SPAG17: variants seen among roughly 807,000 people sequenced by gnomAD.
The protein encoded by SPAG17 is sperm-associated antigen 17.
In SPAG17, 169 loss-of-function variants were observed where a neutral mutation model predicts 273.6. The ratio of observed to expected loss-of-function variants is 0.62; its 90% CI spans 0.55 to 0.70. The LOEUF (loss-of-function observed/expected upper bound fraction) is 0.70. SPAG17 is among the 30% of genes least tolerant of loss of function. SPAG17 has a pLI of 0.00. For missense variants in SPAG17, 2,557 were observed against 2,627.8 expected (o/e 0.97, Z 0.59); for synonymous variants, 825 against 873.2 (o/e 0.94, Z 0.97).
intron 40 of SPAG17, 54 bp from the exon 41 acceptor site, chr1:117,984,836 T>C: frequency 8.7e-7 from 1 of 1,151,136 alleles, no homozygotes; most frequent in East Asian, 2.4e-5. Context: ...TTTTAAAGTG[T>C]TGTTTGTTTG....
At chr1:118,087,186 T>C in intron 10 of SPAG17, 178 bp from the exon 11 acceptor site, 1 of 499,102 alleles carries the variant, frequency 2.0e-6, no homozygotes, top group Middle Eastern at 5.3e-4. Context: ...AGGAAAAGTG[T>C]TCGCAATCCA....
rs905104539 is a variant in SPAG17, at chr1:118,152,909, T to C, written c.88-1540A>G. Among the ~76,000 whole-genome samples the C allele has an allele frequency of 3.3e-5, 5 of 152,196 alleles. No homozygotes were observed. The East Asian group carries it at 7.7e-4, about 23-fold the overall frequency. On this transcript the variant is annotated intron_variant, in intron 1 of 48. Coordinates refer to ENST00000336338, the MANE Select transcript of SPAG17 (RefSeq NM_206996.4). Reference sequence around the variant, plus strand: ...ATTAAAGGGGAAAAATCTCTTTCATTTCACAATAAAGTACACACAGTTACA... The same window carrying C: ...ATTAAAGGGGAAAAATCTCTTTCATCTCACAATAAAGTACACACAGTTACA...
intron 17 of SPAG17, among the ~76,000 whole-genome samples, chr1:118,068,920 T>C (rs1052798583): frequency 1.3e-5 from 2 of 152,170 alleles, no homozygotes; most frequent in Non-Finnish European, 2.9e-5. Context: ...TAGATTATTT[T>C]GGAGTTGAAG....
chr1:118,090,811 A>G (rs536557483), intron 10 of SPAG17, among the ~76,000 whole-genome samples: 8 of 152,294 alleles, frequency 5.3e-5, no homozygotes, highest in Non-Finnish European at 8.8e-5. Context: ...CACTGAGCCC[A>G]TGAGTTTGAG....
intron 32 of SPAG17, among the ~76,000 whole-genome samples, chr1:117,998,184 T>A (rs1466275496): frequency 6.6e-6 from 1 of 152,174 alleles, no homozygotes; most frequent in East Asian, 1.9e-4. Flanking sequence ...TTTTTGTAGT[T>A]TAGGTTTTAC....
Position 118,041,950 on chromosome 1 carries a change from C to CT in SPAG17, c.2906dup (p.Lys970GlufsTer5), listed in dbSNP as rs1363411043. ...CTTTCTCTGCGTTATCCTTGCCTTT[C>CT]TTTTTACCAGCTTCTTTACCCTTCT... On this transcript the variant is annotated frameshift_variant, in exon 21 of 49. Coordinates refer to ENST00000336338, the MANE Select transcript of SPAG17 (RefSeq NM_206996.4). LOFTEE classifies it high-confidence loss of function. 1.2e-6 allele frequency: 2 copies of CT among 1,613,922 alleles called. No homozygotes were observed. The highest frequency in any genetic ancestry group is 1.7e-6 in the Non-Finnish European group (2 of 1,179,910).
chr1:117,985,584 C>T (rs758340561), intron 40 of SPAG17, among the ~76,000 whole-genome samples: 9 of 152,180 alleles, frequency 5.9e-5, no homozygotes, highest in Non-Finnish European at 1.0e-4. Context: ...CTACCATCAA[C>T]TGCCCACCTC....
Position 118,097,684 on chromosome 1 carries a change from C to A in SPAG17, c.997G>T (p.Asp333Tyr), listed in dbSNP as rs1655802799. ...KAADFPSDWS[D>Y]GEMMLKLGTD... The stretch of plus-strand genomic sequence containing the variant: ...TGTGTACTAACCATCATCTCACCAT[C>A]TGACCAGTCAGAAGGAAAATCAGCT... The change falls in exon 7 of 49, where the codon GAT becomes TAT. Residue 333 changes from aspartate (D) to tyrosine (Y), a missense_variant. Coordinates refer to ENST00000336338, the MANE Select transcript of SPAG17 (RefSeq NM_206996.4). 1 of 1,600,818 alleles carries A rather than the reference C, an allele frequency of 6.2e-7. No individual in the cohort carries two copies. Among genetic ancestry groups the A allele is most frequent in the Admixed American group, 1.8e-5 (1 of 57,072 alleles).
At chr1:118,169,009 G>A (rs748302194) in intron 1 of SPAG17, among the ~76,000 whole-genome samples, 1 of 152,174 alleles carries the variant, frequency 6.6e-6, no homozygotes, top group African/African-American at 2.4e-5. Context: ...TATCCTGTGG[G>A]AACTGGGAGC....
chr1:118,139,005 A>T (rs1658515827), intron 3 of SPAG17, among the ~76,000 whole-genome samples: 1 of 152,148 alleles, frequency 6.6e-6, no homozygotes, highest in Admixed American at 6.5e-5. Flanking sequence ...GTAATAGAAG[A>T]TATTTTTAAT....
At chr1:118,047,296 A>C (rs1011632866) in intron 20 of SPAG17, among the ~76,000 whole-genome samples, 2 of 152,210 alleles carry the variant, frequency 1.3e-5, no homozygotes, top group African/African-American at 4.8e-5. Context: ...AACTACCCAC[A>C]CATGAAAACA....
intron 25 of SPAG17, among the ~76,000 whole-genome samples, chr1:118,030,449 A>T (rs1239434782): frequency 6.6e-6 from 1 of 150,988 alleles, no homozygotes; most frequent in Admixed American, 6.6e-5. Context: ...AAGTTCTGGG[A>T]TACATGTGCA....
intron 47 of SPAG17, 33 bp from the exon 48 acceptor site, chr1:117,963,971 G>A (rs1653467854): frequency 3.1e-6 from 5 of 1,589,738 alleles, no homozygotes; most frequent in South Asian, 1.1e-5. Context: ...TGCTTTTCAT[G>A]ACTAAATTAT....
chr1:117,991,704 G>A (rs1571170300), intron 36 of SPAG17, among the ~76,000 whole-genome samples, 176 bp from the exon 37 acceptor site: 1 of 152,238 alleles, frequency 6.6e-6, no homozygotes. Context: ...ATGTTAATAG[G>A]AAAAACCTGA....
At chr1:118,046,480 GA>G (rs891609578) in intron 20 of SPAG17, among the ~76,000 whole-genome samples, 3 of 151,548 alleles carry the variant, frequency 2.0e-5, no homozygotes, top group Admixed American at 6.6e-5. Flanking sequence ...TGTTCTGAAA[GA>G]AAAAAATATT....
intron 23 of SPAG17, among the ~76,000 whole-genome samples, chr1:118,037,639 A>T (rs931622914): frequency 6.6e-6 from 1 of 152,176 alleles, no homozygotes; most frequent in Non-Finnish European, 1.5e-5. Flanking sequence ...GCTTAGGATA[A>T]TGGCCTCCGC....
intron 12 of SPAG17, among the ~76,000 whole-genome samples, chr1:118,086,460 C>T (rs191231269): frequency 5.3e-5 from 8 of 152,212 alleles, no homozygotes; most frequent in Admixed American, 5.2e-4. Flanking sequence ...GTTAATTAGA[C>T]CTCAATAATC....
chr1:117,977,390 T>G (rs578074283), intron 43 of SPAG17, among the ~76,000 whole-genome samples: 1 of 152,186 alleles, frequency 6.6e-6, no homozygotes, highest in Non-Finnish European at 1.5e-5. Flanking sequence ...TAACATAATA[T>G]AGAGAATTAA....
intron 3 of SPAG17, among the ~76,000 whole-genome samples, chr1:118,146,033 G>A (rs2102334058): frequency 6.6e-6 from 1 of 152,280 alleles, no homozygotes; most frequent in East Asian, 1.9e-4. Flanking sequence ...ATCATGAAAT[G>A]AAAAGAAACA....
Sources: allele counts gnomAD v4.1 joint callset (sites outside exome capture counted in the v4.1 genomes callset), GRCh38; gene constraint gnomAD v4.1.1; transcripts MANE v1.5; gene names NCBI Gene and HGNC (gene_info 2026-07-23, HGNC 2026-07-21).